Variants in PTPRQ observed in about 807,000 individuals in gnomAD.
PTPRQ encodes protein tyrosine phosphatase receptor type Q, also known as phosphatidylinositol phosphatase PTPRQ.
Under a neutral mutation model 246.0 loss-of-function variants are expected in PTPRQ, and 199 were observed. That is an observed-to-expected ratio of 0.81 (90% CI 0.72 to 0.91). The LOEUF is 0.91. Ranked by LOEUF, PTPRQ falls within the 40% of genes least tolerant of loss-of-function variation. The pLI, the probability that PTPRQ is intolerant of heterozygous loss-of-function variation, is 0.00. For synonymous variants in PTPRQ, 869 were observed against 853.2 expected, an observed-to-expected ratio of 1.02 and a Z score of -0.32; for missense variants, 2,624 against 2,528.4, an observed-to-expected ratio of 1.04 and a Z score of -0.81.
chr12:80,501,761 A>G (rs1471762088), intron 14 of PTPRQ, among the ~76,000 whole-genome samples: 1 of 151,962 alleles, frequency 6.6e-6, no homozygotes, highest in Non-Finnish European at 1.5e-5. Flanking sequence ...CAAGTGAATA[A>G]AGATTTTCAA....
intron 30 of PTPRQ, 133 bp from the exon 31 acceptor site, chr12:80,619,251 A>C: frequency 1.9e-6 from 2 of 1,073,644 alleles, no homozygotes; most frequent in Non-Finnish European, 2.6e-6. Context: ...CTCCAAGCAC[A>C]ATTCTCTATA....
chr12:80,491,277 G>C (rs61513652), intron 9 of PTPRQ, among the ~76,000 whole-genome samples: 1,863 of 152,026 alleles, frequency 0.012, 47 homozygotes, highest in African/African-American at 0.042. Flanking sequence ...ATTCTATAGT[G>C]CTTTGTACAC....
chr12:80,613,121 G>A (rs181256725), intron 28 of PTPRQ, among the ~76,000 whole-genome samples: 1 of 150,560 alleles, frequency 6.6e-6, no homozygotes, highest in African/African-American at 2.4e-5. Context: ...GTGAAATTGG[G>A]ATAAAGTCTG....
At chr12:80,476,619 A>G (rs575297770) in intron 8 of PTPRQ, among the ~76,000 whole-genome samples, 8 of 152,338 alleles carry the variant, frequency 5.3e-5, no homozygotes, top group Non-Finnish European at 2.9e-5. Context: ...TATAAATAAC[A>G]TATATGGGAG....
At chr12:80,615,682 A>G (rs1005723554) in intron 29 of PTPRQ, among the ~76,000 whole-genome samples, 1 of 151,092 alleles carries the variant, frequency 6.6e-6, no homozygotes, top group African/African-American at 2.4e-5. Flanking sequence ...AATACAGGAA[A>G]ACTGGGAGGC....
intron 8 of PTPRQ, 133 bp from the exon 9 acceptor site, chr12:80,484,300 C>A (rs559908047): frequency 2.6e-6 from 3 of 1,160,388 alleles, no homozygotes; most frequent in East Asian, 5.2e-5. Flanking sequence ...AGCCACCGCA[C>A]CTAGCCTAGT....
intron 17 of PTPRQ, among the ~76,000 whole-genome samples, chr12:80,530,099 A>C (rs963975797): frequency 6.6e-6 from 1 of 151,684 alleles, no homozygotes; most frequent in Non-Finnish European, 1.5e-5. Context: ...TTCTTCTCCC[A>C]CCTCCCTCAA....
At chr12:80,591,659 T>C (rs1314536485) in intron 26 of PTPRQ, among the ~76,000 whole-genome samples, 2 of 152,190 alleles carry the variant, frequency 1.3e-5, no homozygotes, top group Non-Finnish European at 2.9e-5. Flanking sequence ...AACCTGCTGA[T>C]TTTGTCAAGA....
At chr12:80,510,070 T>A (rs567701847) in intron 16 of PTPRQ, among the ~76,000 whole-genome samples, 1 of 152,206 alleles carries the variant, frequency 6.6e-6, no homozygotes, top group East Asian at 1.9e-4. Context: ...CACTGTGACA[T>A]ACCCCTTGTT....
intron 39 of PTPRQ, among the ~76,000 whole-genome samples, chr12:80,668,013 C>T (rs1900840264): frequency 2.0e-5 from 3 of 151,872 alleles, no homozygotes; most frequent in African/African-American, 7.2e-5. Context: ...TGCTGGATTA[C>T]ATTTTAGAGT....
intron 3 of PTPRQ, among the ~76,000 whole-genome samples, chr12:80,450,538 T>G (rs1048641116): frequency 6.6e-6 from 1 of 152,006 alleles, no homozygotes; most frequent in Admixed American, 6.5e-5. Context: ...TCTTATTATT[T>G]TGAGATACGT....
intron 25 of PTPRQ, among the ~76,000 whole-genome samples, chr12:80,573,569 G>T (rs940080844): frequency 2.0e-5 from 3 of 151,982 alleles, no homozygotes; most frequent in Non-Finnish European, 4.4e-5. Context: ...CATGTGCCAT[G>T]GTGGTTTGCT....
chr12:80,616,146 C>T, intron 29 of PTPRQ, 54 bp from the exon 30 acceptor site: 4 of 1,303,774 alleles, frequency 3.1e-6, no homozygotes, highest in Non-Finnish European at 4.0e-6. Context: ...TATATATACA[C>T]ACACATACAT....
intron 29 of PTPRQ, among the ~76,000 whole-genome samples, chr12:80,615,221 T>C (rs1898706164): frequency 6.6e-6 from 1 of 150,984 alleles, no homozygotes; most frequent in African/African-American, 2.4e-5. Context: ...ATTTACAAAC[T>C]CAAATATTTT....
chr12:80,611,700 T>G (rs1898558055), intron 28 of PTPRQ, among the ~76,000 whole-genome samples: 3 of 150,426 alleles, frequency 2.0e-5, no homozygotes, highest in African/African-American at 7.3e-5. Context: ...GAGTAGAATT[T>G]TATGTGTATA....
At chr12:80,548,385 G>A (rs1896371468) in intron 24 of PTPRQ, among the ~76,000 whole-genome samples, 1 of 152,080 alleles carries the variant, frequency 6.6e-6, no homozygotes, top group Admixed American at 6.6e-5. Context: ...AAACAAGGAA[G>A]TGAATAGTTA....
chr12:80,484,410 T>TTCTG, intron 8 of PTPRQ, 23 bp from the exon 9 acceptor site: 1 of 1,499,108 alleles, frequency 6.7e-7, no homozygotes, highest in Admixed American at 2.6e-5. Context: ...CCCTTTTCTT[T>TTCTG]TCTTTCTTTC....
intron 25 of PTPRQ, among the ~76,000 whole-genome samples, chr12:80,556,141 C>T (rs1332039294): frequency 6.6e-6 from 1 of 152,100 alleles, no homozygotes; most frequent in Non-Finnish European, 1.5e-5. Flanking sequence ...GATTCTCATG[C>T]CTCAGCCTCC....
chr12:80,680,153 TAA>T lies in PTPRQ; in HGVS notation c.*1131_*1132del, dbSNP rs1901268152. 1 of 151,726 alleles carries T rather than the reference TAA, an allele frequency of 6.6e-6. No individual in the cohort carries two copies. The highest frequency in any genetic ancestry group is 1.5e-5 in the Non-Finnish European group (1 of 67,828). 9.4% of individuals were successfully genotyped at this position (151,726 alleles called of 1,614,324 possible). ...AACTCATTTTGTCATAGATTTCAAT[TAA>T]GAGTAATAAATAGTATTAATTATTC... On this transcript the variant is annotated 3_prime_UTR_variant, in exon 45 of 45. Transcript: ENST00000644991.
Sources: allele counts gnomAD v4.1 joint callset (sites outside exome capture counted in the v4.1 genomes callset), GRCh38; gene constraint gnomAD v4.1.1; transcripts MANE v1.5; gene names NCBI Gene and HGNC (gene_info 2026-07-23, HGNC 2026-07-21).